The following MKLN1 variants were observed in gnomAD, a reference collection of about 807,000 sequenced individuals.
MKLN1 encodes muskelin.
In MKLN1, 18 loss-of-function variants were observed where a neutral mutation model predicts 99.0. That is an observed-to-expected ratio of 0.18 (90% CI 0.13 to 0.27). MKLN1 has a LOEUF of 0.27. Among genes scored for constraint, MKLN1 ranks in the 10% least tolerant of loss-of-function variants. The pLI is 1.00. For missense variants in MKLN1, 621 were observed against 875.9 expected (o/e 0.71, Z 3.67); for synonymous variants, 288 against 293.2 (o/e 0.98, Z 0.18).
intron 3 of MKLN1, among the ~76,000 whole-genome samples, chr7:131,239,678 C>T (rs1435074354): frequency 6.6e-6 from 1 of 152,114 alleles, no homozygotes; most frequent in Non-Finnish European, 1.5e-5. Context: ...AGAGTCATCC[C>T]ATCCCATGTT....
intron 4 of MKLN1, among the ~76,000 whole-genome samples, chr7:131,394,336 C>CA (rs1794295612): frequency 6.6e-6 from 1 of 151,992 alleles, no homozygotes; most frequent in South Asian, 2.1e-4. Flanking sequence ...TTGTGGAAGA[C>CA]AGTTTTTCTG....
At chr7:131,391,414 AAC>A (rs1794194866) in intron 4 of MKLN1, among the ~76,000 whole-genome samples, 1 of 152,236 alleles carries the variant, frequency 6.6e-6, no homozygotes, top group Non-Finnish European at 1.5e-5. Flanking sequence ...AAGCAAGGCT[AAC>A]ACAATGGCAG....
At chr7:131,471,571 T>C (rs1163934829) in intron 16 of MKLN1, 1 of 152,254 alleles carries the variant, frequency 6.6e-6, no homozygotes, top group East Asian at 1.9e-4. Flanking sequence ...TAAGGACATG[T>C]TTGCTTATCC....
chr7:131,187,335 T>TC (rs1167232543), intron 2 of MKLN1, among the ~76,000 whole-genome samples: 1 of 151,806 alleles, frequency 6.6e-6, no homozygotes, highest in Non-Finnish European at 1.5e-5. Flanking sequence ...TTTTTTTTTT[T>TC]TCCAAAACAA....
At chr7:131,156,309 C>T (rs1348073083) in intron 2 of MKLN1, among the ~76,000 whole-genome samples, 6 of 151,922 alleles carry the variant, frequency 3.9e-5, no homozygotes, top group Non-Finnish European at 5.9e-5. Flanking sequence ...AGGTGGATCA[C>T]GAGGTCAGGA....
At chr7:131,365,967 A>G (rs1800168903) in intron 1 of MKLN1, among the ~76,000 whole-genome samples, 1 of 152,202 alleles carries the variant, frequency 6.6e-6, no homozygotes, top group South Asian at 2.1e-4. Flanking sequence ...TGTAGGAGCA[A>G]GAGTATACAT....
chr7:131,215,366 G>A (rs1796965345), intron 3 of MKLN1, among the ~76,000 whole-genome samples: 1 of 152,122 alleles, frequency 6.6e-6, no homozygotes, highest in Non-Finnish European at 1.5e-5. Context: ...TTTTTTTACA[G>A]ACAGGGTCTC....
At chr7:131,273,476 T>C (rs1797917242) in intron 3 of MKLN1, among the ~76,000 whole-genome samples, 1 of 152,194 alleles carries the variant, frequency 6.6e-6, no homozygotes, top group Non-Finnish European at 1.5e-5. Flanking sequence ...TTTGAGCTCC[T>C]GGAAACTCTG....
At chr7:131,227,531 T>TTCTTTCTTTCTC in intron 3 of MKLN1, among the ~76,000 whole-genome samples, 1 of 148,388 alleles carries the variant, frequency 6.7e-6, no homozygotes, top group Non-Finnish European at 1.5e-5. Context: ...CTTTCTTTCT[T>TTCTTTCTTTCTC]TCTTTCTCTC....
At chr7:131,325,451 G>A (rs1374623492), upstream of MKLN1, among the ~76,000 whole-genome samples, 1 of 152,098 alleles carries the variant, frequency 6.6e-6, no homozygotes, top group East Asian at 1.9e-4. Flanking sequence ...AGCACTTTGG[G>A]AGGCCAGGCC....
chr7:131,286,525 T>A (rs778794354), intron 3 of MKLN1, among the ~76,000 whole-genome samples: 4 of 152,144 alleles, frequency 2.6e-5, no homozygotes, highest in Non-Finnish European at 5.9e-5. Context: ...AAAAATTGTT[T>A]CCAGGAAGCA....
chr7:131,243,440 C>T (rs1440773893), intron 3 of MKLN1, among the ~76,000 whole-genome samples: 1 of 152,202 alleles, frequency 6.6e-6, no homozygotes, highest in East Asian at 1.9e-4. Flanking sequence ...GCTTGCAACA[C>T]ATGATTTTTC....
intron 1 of MKLN1, among the ~76,000 whole-genome samples, chr7:131,331,864 A>G (rs571747367): frequency 6.6e-6 from 1 of 152,318 alleles, no homozygotes; most frequent in East Asian, 1.9e-4. Context: ...TTTTTTACAT[A>G]TTAGGTAATT....
intron 3 of MKLN1, among the ~76,000 whole-genome samples, chr7:131,223,518 T>C (rs1797091537): frequency 6.6e-6 from 1 of 152,182 alleles, no homozygotes; most frequent in South Asian, 2.1e-4. Flanking sequence ...TGACTTGTGT[T>C]GCGGGACCAG....
intron 8 of MKLN1, among the ~76,000 whole-genome samples, chr7:131,420,975 A>G (rs1795174294): frequency 1.3e-5 from 2 of 152,116 alleles, no homozygotes; most frequent in Non-Finnish European, 2.9e-5. Flanking sequence ...TTATACTAAT[A>G]TTTTCTGTGG....
chr7:131,442,709 C>G (rs181953856), intron 10 of MKLN1, among the ~76,000 whole-genome samples: 1 of 152,188 alleles, frequency 6.6e-6, no homozygotes, highest in Non-Finnish European at 1.5e-5. Context: ...ATGCCACTTA[C>G]GTTCAACAGC....
chr7:131,300,913 A>G (rs1798368962), intron 3 of MKLN1, among the ~76,000 whole-genome samples: 2 of 152,210 alleles, frequency 1.3e-5, no homozygotes, highest in Non-Finnish European at 2.9e-5. Flanking sequence ...CTGCCATTGC[A>G]GTATTTGGTT....
intron 8 of MKLN1, among the ~76,000 whole-genome samples, chr7:131,420,152 C>T (rs946320419): frequency 3.3e-5 from 5 of 150,480 alleles, no homozygotes; most frequent in Non-Finnish European, 7.4e-5. Flanking sequence ...AACAAACCTG[C>T]GTGTTGTGCA....
intron 12 of MKLN1, among the ~76,000 whole-genome samples, chr7:131,451,288 A>T (rs185017386): frequency 2.9e-4 from 44 of 152,128 alleles, no homozygotes; most frequent in Non-Finnish European, 5.3e-4. Context: ...TAATTACTGT[A>T]ATTTGAGATG....
Sources: gnomAD v4.1 joint callset for allele counts (sites outside exome capture counted in the v4.1 genomes callset) on GRCh38, gnomAD v4.1.1 for gene constraint, MANE v1.5 for transcripts, NCBI Gene and HGNC (gene_info 2026-07-23, HGNC 2026-07-21) for gene names.